DSCAM: variants seen among roughly 807,000 people sequenced by gnomAD.
DSCAM encodes the protein DS cell adhesion molecule.
A neutral mutation model predicts 217.7 loss-of-function variants in DSCAM; 47 were observed. The observed-to-expected ratio is 0.22, with a 90% CI of 0.17 to 0.28. The LOEUF is 0.28. Among genes scored for constraint, DSCAM ranks in the 10% least tolerant of loss-of-function variants. DSCAM has a pLI of 1.00. For synonymous variants in DSCAM, 1,056 were observed against 1,015.3 expected (o/e 1.04, Z -0.76); for missense variants, 2,080 against 2,618.3 (o/e 0.79, Z 4.49).
chr21:40,345,659 T>A (rs1369188309), intron 6 of DSCAM, among the ~76,000 whole-genome samples: 2 of 152,220 alleles, frequency 1.3e-5, no homozygotes, highest in Non-Finnish European at 2.9e-5. Flanking sequence ...TGCAAATTTT[T>A]ATAATTTTAC....
At chr21:40,374,572 T>C (rs532440360) in intron 3 of DSCAM, among the ~76,000 whole-genome samples, 6 of 152,358 alleles carry the variant, frequency 3.9e-5, no homozygotes, top group African/African-American at 1.4e-4. Context: ...TGGAGTATTT[T>C]TGTATACCCC....
chr21:40,594,029 C>A (rs1028722437), intron 3 of DSCAM, among the ~76,000 whole-genome samples: 2 of 152,130 alleles, frequency 1.3e-5, no homozygotes, highest in Admixed American at 6.6e-5. Flanking sequence ...CATTTATCCC[C>A]CTATATTTGA....
chr21:40,380,975 A>G (rs1432296575), intron 3 of DSCAM, among the ~76,000 whole-genome samples: 1 of 141,396 alleles, frequency 7.1e-6, no homozygotes, highest in Non-Finnish European at 1.5e-5. Context: ...AGGCAGGAGA[A>G]TGGCGGGAAC....
intron 10 of DSCAM, among the ~76,000 whole-genome samples, chr21:40,287,507 G>T (rs961620946): frequency 6.6e-6 from 1 of 152,226 alleles, no homozygotes; most frequent in African/African-American, 2.4e-5. Flanking sequence ...TGCCCCTAAA[G>T]TAGGAGGGGA....
At chr21:40,442,746 A>G (rs1424278599) in intron 3 of DSCAM, among the ~76,000 whole-genome samples, 1 of 152,006 alleles carries the variant, frequency 6.6e-6, no homozygotes, top group Admixed American at 6.6e-5. Flanking sequence ...TCCTGACCTC[A>G]TGATCTGCCC....
At chr21:40,358,629 G>C (rs1601583716) in intron 4 of DSCAM, among the ~76,000 whole-genome samples, 1 of 151,698 alleles carries the variant, frequency 6.6e-6, no homozygotes, top group East Asian at 1.9e-4. Flanking sequence ...CAACATGGTG[G>C]AACCCCGTCT....
chr21:40,641,799 A>C (rs1034209873), intron 3 of DSCAM, among the ~76,000 whole-genome samples: 1 of 152,202 alleles, frequency 6.6e-6, no homozygotes, highest in Non-Finnish European at 1.5e-5. Flanking sequence ...CTGTAATCCC[A>C]GCACTACGGG....
At chr21:40,623,798 T>A (rs1354271429) in intron 3 of DSCAM, among the ~76,000 whole-genome samples, 1 of 152,210 alleles carries the variant, frequency 6.6e-6, no homozygotes, top group Non-Finnish European at 1.5e-5. Flanking sequence ...AGAAAACACT[T>A]GCCTACGGAT....
chr21:40,708,586 G>A lies in DSCAM; in HGVS notation c.229C>T (p.Pro77Ser), dbSNP rs988163616. Residue 77 changes from proline to serine, a missense_variant, in exon 2 of 33, where the codon CCC becomes TCC. Coordinates refer to ENST00000400454, the MANE Select transcript of DSCAM (RefSeq NM_001389.5). ...GGGAAAATTTGGAGAGTGCCGTTGGGGTGGACGTGGCGGATCCCGGGGACA... is the reference window on the plus strand; with the variant it reads ...GGGAAAATTTGGAGAGTGCCGTTGGAGTGGACGTGGCGGATCCCGGGGACA... ...YDVPGIRHVH[P>S]NGTLQIFPFP... 6.2e-7 allele frequency: 1 copy of A among 1,610,684 alleles called. No individual in the cohort carries two copies. The highest frequency in any genetic ancestry group is 8.5e-7 in the Non-Finnish European group (1 of 1,178,318).
chr21:40,386,074 T>C (rs1292906984), intron 3 of DSCAM, among the ~76,000 whole-genome samples: 1 of 152,198 alleles, frequency 6.6e-6, no homozygotes, highest in Non-Finnish European at 1.5e-5. Flanking sequence ...CATTTGTGTT[T>C]AAGCAATATC....
At chr21:40,486,518 G>A (rs1447364535) in intron 3 of DSCAM, among the ~76,000 whole-genome samples, 1 of 151,942 alleles carries the variant, frequency 6.6e-6, no homozygotes, top group Admixed American at 6.6e-5. Context: ...GAGGAGAGGA[G>A]GGGATGGCAG....
intron 21 of DSCAM, among the ~76,000 whole-genome samples, chr21:40,090,085 C>T (rs1191029969): frequency 6.6e-6 from 1 of 152,158 alleles, no homozygotes; most frequent in Non-Finnish European, 1.5e-5. Context: ...GCTTCAGAGA[C>T]ACCATCCAGG....
intron 3 of DSCAM, among the ~76,000 whole-genome samples, chr21:40,526,681 C>G (rs759682993): frequency 2.6e-5 from 4 of 152,092 alleles, no homozygotes; most frequent in Non-Finnish European, 5.9e-5. Flanking sequence ...ACCATTAGGG[C>G]ACTTCAACAG....
At chr21:40,432,676 C>T (rs999380246) in intron 3 of DSCAM, among the ~76,000 whole-genome samples, 21 of 152,204 alleles carry the variant, frequency 1.4e-4, no homozygotes, top group African/African-American at 4.1e-4. Context: ...TTTTCATCAA[C>T]GAAGCCAGAA....
At chr21:40,370,895 G>A (rs559945616) in intron 3 of DSCAM, among the ~76,000 whole-genome samples, 7 of 152,124 alleles carry the variant, frequency 4.6e-5, no homozygotes, top group African/African-American at 1.7e-4. Context: ...GTGCCAGGGA[G>A]TGTAATCCCT....
chr21:40,185,963 C>G (rs1043913659), intron 14 of DSCAM, among the ~76,000 whole-genome samples: 3 of 152,188 alleles, frequency 2.0e-5, no homozygotes, highest in African/African-American at 7.2e-5. Context: ...TAAGTGACAC[C>G]TCACTTCTAG....
chr21:40,069,849 G>A (rs966468769), intron 27 of DSCAM, among the ~76,000 whole-genome samples: 1 of 152,122 alleles, frequency 6.6e-6, no homozygotes, highest in Non-Finnish European at 1.5e-5. Context: ...ACAATGCTCA[G>A]ATGAAAGCTA....
chr21:40,529,908 T>A (rs941991002), intron 3 of DSCAM, among the ~76,000 whole-genome samples: 2 of 152,190 alleles, frequency 1.3e-5, no homozygotes, highest in Admixed American at 1.3e-4. Flanking sequence ...ATAAAGTTTA[T>A]GGGAACAGGC....
intron 9 of DSCAM, among the ~76,000 whole-genome samples, chr21:40,300,483 G>GTAGGACAGCTCCACCTCCAC (rs2074003121): frequency 1.3e-5 from 2 of 152,194 alleles, no homozygotes; most frequent in African/African-American, 2.4e-5. Flanking sequence ...AGCACCTCTG[G>GTAGGACAGCTCCACCTCCAC]GAGGACAGCT....
Sources: gnomAD v4.1 joint callset for allele counts (sites outside exome capture counted in the v4.1 genomes callset) on GRCh38, gnomAD v4.1.1 for gene constraint, MANE v1.5 for transcripts, NCBI Gene and HGNC (gene_info 2026-07-23, HGNC 2026-07-21) for gene names.